Variants in RGS6 observed in about 807,000 individuals in gnomAD.
RGS6 encodes the protein regulator of G protein signaling 6, also known as regulator of G-protein signaling 6.
A neutral mutation model predicts 78.5 loss-of-function variants in RGS6; 30 were observed. The observed-to-expected ratio is 0.38, with a 90% CI of 0.29 to 0.52. The LOEUF is 0.52. Among genes scored for constraint, RGS6 ranks in the 20% least tolerant of loss-of-function variants. RGS6 has a pLI of 0.85. For missense variants in RGS6, 495 were observed against 609.7 expected (o/e 0.81, Z 1.98); for synonymous variants, 206 against 206.0 (o/e 1.00, Z 0.00).
intron 2 of RGS6, among the ~76,000 whole-genome samples, chr14:72,224,360 G>A (rs1261252412): frequency 3.9e-5 from 6 of 152,008 alleles, no homozygotes; most frequent in Non-Finnish European, 7.4e-5. Context: ...AGAGGTTCTC[G>A]TGGGCAAGAT....
chr14:72,195,210 A>G (rs554289089), intron 2 of RGS6, among the ~76,000 whole-genome samples: 102 of 151,986 alleles, frequency 6.7e-4, no homozygotes, highest in African/African-American at 2.4e-3. Context: ...TCCATCTCAA[A>G]AAAAAAAAAG....
intron 16 of RGS6, 125 bp from the exon 17 acceptor site, chr14:72,539,916 C>A (rs924687069): frequency 5.3e-6 from 4 of 760,610 alleles, no homozygotes; most frequent in Non-Finnish European, 8.2e-6. Context: ...TCCCATTTTT[C>A]GCCCCATTTT....
At chr14:72,293,917 G>C (rs756314048) in intron 2 of RGS6, among the ~76,000 whole-genome samples, 1 of 152,188 alleles carries the variant, frequency 6.6e-6, no homozygotes, top group Non-Finnish European at 1.5e-5. Flanking sequence ...TTGTGGAAAC[G>C]GGACAGGCTG....
chr14:72,227,284 T>G (rs576463130), intron 2 of RGS6, among the ~76,000 whole-genome samples: 2 of 152,302 alleles, frequency 1.3e-5, no homozygotes, highest in South Asian at 4.1e-4. Flanking sequence ...GTGCAGTTTT[T>G]TAAAATTTGT....
rs546013738 is a variant in RGS6 at position 72,086,084 on chromosome 14, T to C, written c.84+121209T>C. Among the ~76,000 whole-genome samples the C allele has an allele frequency of 2.6e-5, 4 of 152,224 alleles. No homozygotes were observed. In the South Asian group the frequency reaches 8.3e-4, roughly 32 times the overall value. On this transcript the variant is annotated intron_variant, in intron 2 of 17. Coordinates refer to ENST00000553525, the MANE Select transcript of RGS6 (RefSeq NM_001204424.2). The stretch of plus-strand genomic sequence containing the variant: ...TTCCCTTTGAGATATGCTGAAGTCA[T>C]TTAAAAAAATGTCAGGAATAAAATG...
At chr14:72,228,911 C>T (rs542005356) in intron 2 of RGS6, among the ~76,000 whole-genome samples, 76 of 152,188 alleles carry the variant, frequency 5.0e-4, no homozygotes, top group South Asian at 1.9e-3. Context: ...AAAATTTAGC[C>T]GGGCAAGGCG....
At chr14:72,202,461 G>A (rs965284464) in intron 2 of RGS6, among the ~76,000 whole-genome samples, 1 of 152,110 alleles carries the variant, frequency 6.6e-6, no homozygotes, top group African/African-American at 2.4e-5. Context: ...AGCAGCTCCC[G>A]TTCTTACCCA....
At chr14:71,961,755 G>A (rs2093215483) in intron 1 of RGS6, among the ~76,000 whole-genome samples, 1 of 152,086 alleles carries the variant, frequency 6.6e-6, no homozygotes, top group South Asian at 2.1e-4. Flanking sequence ...TCAGAAAAAT[G>A]TTCACATTCT....
At chr14:72,294,690 A>G (rs2064330200) in intron 2 of RGS6, among the ~76,000 whole-genome samples, 1 of 152,116 alleles carries the variant, frequency 6.6e-6, no homozygotes, top group African/African-American at 2.4e-5. Context: ...AGCACTTCAC[A>G]TGGCCAGGGC....
intron 2 of RGS6, among the ~76,000 whole-genome samples, chr14:72,048,409 T>G (rs2093016824): frequency 6.6e-6 from 1 of 152,204 alleles, no homozygotes; most frequent in African/African-American, 2.4e-5. Context: ...GTACTGATTC[T>G]CCTTTCCATT....
At chr14:72,118,342 C>G (rs1203691485) in intron 2 of RGS6, among the ~76,000 whole-genome samples, 1 of 152,092 alleles carries the variant, frequency 6.6e-6, no homozygotes, top group Non-Finnish European at 1.5e-5. Context: ...GATTATTTCC[C>G]TCCATCTATA....
the RGS6 span, among the ~76,000 whole-genome samples, chr14:71,926,520 G>A: frequency 6.7e-6 from 1 of 148,898 alleles, no homozygotes; most frequent in Non-Finnish European, 1.5e-5. Flanking sequence ...GGAGGCGGAG[G>A]TTGCAGTGAG....
the RGS6 span, among the ~76,000 whole-genome samples, chr14:72,585,751 T>C: frequency 5.3e-5 from 8 of 152,314 alleles, no homozygotes; most frequent in African/African-American, 1.7e-4. Flanking sequence ...TCAATCATCC[T>C]TAACTTCTTT....
At chr14:71,942,773 TGTTA>T (rs1209237982) in intron 1 of RGS6, among the ~76,000 whole-genome samples, 1 of 152,206 alleles carries the variant, frequency 6.6e-6, no homozygotes, top group Non-Finnish European at 1.5e-5. Flanking sequence ...TCTACTTAGG[TGTTA>T]GTAACATAGG....
intron 2 of RGS6, among the ~76,000 whole-genome samples, chr14:72,300,997 G>T (rs992140441): frequency 6.6e-6 from 1 of 152,134 alleles, no homozygotes; most frequent in African/African-American, 2.4e-5. Context: ...CTTTAGAGGG[G>T]GAAAATATGA....
intron 12 of RGS6, among the ~76,000 whole-genome samples, chr14:72,491,496 C>T (rs554220576): frequency 1.3e-5 from 2 of 152,298 alleles, no homozygotes; most frequent in South Asian, 4.1e-4. Flanking sequence ...GGCATGAACT[C>T]ACAAGGTTAA....
At chr14:71,969,188 T>A (rs1595403808) in intron 2 of RGS6, among the ~76,000 whole-genome samples, 1 of 152,230 alleles carries the variant, frequency 6.6e-6, no homozygotes, top group East Asian at 1.9e-4. Context: ...TATTCCATGG[T>A]GTATATGTGC....
chr14:72,512,226 A>C (rs1283099742), intron 14 of RGS6, among the ~76,000 whole-genome samples: 1 of 152,198 alleles, frequency 6.6e-6, no homozygotes, highest in African/African-American at 2.4e-5. Context: ...GCACTCTTGC[A>C]GAGAGCTTGA....
intron 2 of RGS6, among the ~76,000 whole-genome samples, chr14:72,115,231 A>C (rs536089180): frequency 6.6e-6 from 1 of 152,148 alleles, no homozygotes; most frequent in Admixed American, 6.5e-5. Flanking sequence ...ATTTTACAGG[A>C]TTTCTTCTCT....
Sources: allele counts gnomAD v4.1 joint callset (sites outside exome capture counted in the v4.1 genomes callset), GRCh38; gene constraint gnomAD v4.1.1; transcripts MANE v1.5; gene names NCBI Gene and HGNC (gene_info 2026-07-23, HGNC 2026-07-21).